PTPRD: variants seen among roughly 807,000 people sequenced by gnomAD.
PTPRD encodes protein tyrosine phosphatase receptor type D, also known as receptor-type tyrosine-protein phosphatase delta.
In PTPRD, 34 loss-of-function variants were observed where a neutral mutation model predicts 214.5. That is an observed-to-expected ratio of 0.16 (90% CI 0.12 to 0.21). PTPRD has a LOEUF of 0.21. Among genes scored for constraint, PTPRD ranks in the 10% least tolerant of loss-of-function variants. The pLI is 1.00. For synonymous variants in PTPRD, 1,128 were observed against 845.7 expected, an observed-to-expected ratio of 1.33 and a Z score of -5.79; for missense variants, 2,545 against 2,398.7, an observed-to-expected ratio of 1.06 and a Z score of -1.27.
intron 3 of PTPRD, among the ~76,000 whole-genome samples, chr9:10,285,783 T>C (rs1462108981): frequency 1.3e-5 from 2 of 152,076 alleles, no homozygotes; most frequent in Middle Eastern, 3.4e-3. Context: ...GCTAACTTTT[T>C]GTATTTTTAG....
intron 2 of PTPRD, among the ~76,000 whole-genome samples, chr9:10,545,792 G>C (rs551989856): frequency 6.6e-6 from 1 of 152,098 alleles, no homozygotes; most frequent in Admixed American, 6.6e-5. Flanking sequence ...TAGAATTCTT[G>C]GCATTTCTTT....
At chr9:9,057,552 T>TAAA (rs1453684993) in intron 10 of PTPRD, among the ~76,000 whole-genome samples, 2 of 152,190 alleles carry the variant, frequency 1.3e-5, no homozygotes, top group Non-Finnish European at 2.9e-5. Context: ...TCCTAAGGAT[T>TAAA]TTTTGTTAAA....
chr9:8,713,482 T>C, intron 12 of PTPRD: 1 of 1,126,758 alleles, frequency 8.9e-7, no homozygotes, highest in Non-Finnish European at 1.3e-6. Context: ...GAAGAAGTCT[T>C]CAGGGGAGAC....
At chr9:9,594,032 G>A (rs944962732) in intron 7 of PTPRD, among the ~76,000 whole-genome samples, 8 of 152,028 alleles carry the variant, frequency 5.3e-5, no homozygotes, top group African/African-American at 9.7e-5. Flanking sequence ...GACAATGGAC[G>A]ATAGTTAATG....
At chr9:8,334,980 A>G (rs1167108484) in intron 43 of PTPRD, among the ~76,000 whole-genome samples, 1 of 151,670 alleles carries the variant, frequency 6.6e-6, no homozygotes, top group African/African-American at 2.4e-5. Context: ...GAATCTCTGC[A>G]TAGACCAATA....
At chr9:8,597,074 C>T (rs947823924) in intron 14 of PTPRD, among the ~76,000 whole-genome samples, 20 of 151,948 alleles carry the variant, frequency 1.3e-4, no homozygotes, top group Non-Finnish European at 8.8e-5. Flanking sequence ...AGAAAAAAAG[C>T]GCATTTTTAA....
intron 2 of PTPRD, among the ~76,000 whole-genome samples, chr9:10,508,560 T>C (rs1023193697): frequency 2.6e-5 from 4 of 152,114 alleles, no homozygotes; most frequent in African/African-American, 9.7e-5. Flanking sequence ...TGGCCATCAA[T>C]AATAGAATGG....
At chr9:8,519,526 C>G (rs577222996) in intron 20 of PTPRD, among the ~76,000 whole-genome samples, 2 of 152,168 alleles carry the variant, frequency 1.3e-5, no homozygotes, top group South Asian at 4.1e-4. Flanking sequence ...TGTTTCCTTG[C>G]CAACATAAAG....
intron 9 of PTPRD, among the ~76,000 whole-genome samples, chr9:9,306,534 C>T (rs557992633): frequency 1.4e-5 from 2 of 141,696 alleles, no homozygotes; most frequent in African/African-American, 2.7e-5. Flanking sequence ...ACTGCACTCC[C>T]GTCTGGGCGA....
At chr9:10,336,100 C>T (rs139441559) in intron 3 of PTPRD, among the ~76,000 whole-genome samples, 246 of 151,780 alleles carry the variant, frequency 1.6e-3, no homozygotes, top group African/African-American at 5.5e-3. Context: ...ATTTACCCCA[C>T]GGAGCTGAAA....
At chr9:10,472,889 A>T (rs571596866) in intron 2 of PTPRD, among the ~76,000 whole-genome samples, 38 of 152,102 alleles carry the variant, frequency 2.5e-4, no homozygotes, top group Middle Eastern at 3.4e-3. Context: ...GAAAAATTTT[A>T]AAAAAATTAT....
rs531593745 is a variant in PTPRD at position 10,483,489 on chromosome 9, G to T, written c.-600+128909C>A. Reference sequence around the variant, plus strand: ...AGAAATAATCGTCAGGGTAAAGAGAGAATCTACAGAATGAAAAAAAAAATT... The same window carrying T: ...AGAAATAATCGTCAGGGTAAAGAGATAATCTACAGAATGAAAAAAAAAATT... On this transcript the variant is annotated intron_variant, in intron 2 of 45. Coordinates refer to ENST00000381196, the MANE Select transcript of PTPRD (RefSeq NM_002839.4). 1.1e-3 allele frequency among the ~76,000 whole-genome samples: 169 copies of T among 151,626 alleles called. No individual in the cohort carries two copies. The Middle Eastern group carries it at 0.027, about 24-fold the overall frequency.
chr9:10,046,535 A>G (rs2097400344), intron 3 of PTPRD, among the ~76,000 whole-genome samples: 1 of 151,906 alleles, frequency 6.6e-6, no homozygotes, highest in East Asian at 1.9e-4. Flanking sequence ...GAAAAACAGA[A>G]TGAAAAATAT....
chr9:9,955,475 C>T (rs1482576557), intron 4 of PTPRD, among the ~76,000 whole-genome samples: 1 of 151,650 alleles, frequency 6.6e-6, no homozygotes, highest in South Asian at 2.1e-4. Context: ...TTGGCCACAA[C>T]ATTGAACTCT....
chr9:8,493,381 A>G (rs2136333827), intron 26 of PTPRD, among the ~76,000 whole-genome samples: 1 of 152,320 alleles, frequency 6.6e-6, no homozygotes. Flanking sequence ...AAACTCACAG[A>G]ACTATGCCTG....
intron 2 of PTPRD, among the ~76,000 whole-genome samples, chr9:10,504,384 G>A (rs1397854903): frequency 6.6e-6 from 1 of 151,974 alleles, no homozygotes; most frequent in Non-Finnish European, 1.5e-5. Flanking sequence ...GAACACTTCG[G>A]TTTACTCTGC....
rs1554639616 is a variant in PTPRD, at chr9:9,024,354, T to TTG, written c.-142-5620_-142-5619insCA. Among the ~76,000 whole-genome samples the TTG allele has an allele frequency of 3.7e-3, 477 of 127,888 alleles. 9 individuals are homozygous for TTG. The highest frequency in any genetic ancestry group is 0.012 in the African/African-American group (453 of 38,618). 83.9% of individuals were successfully genotyped at this position (127,888 alleles called of 152,430 possible). ...CGATTCTTTGTTTTTTTTTGTTTGT[T>TTG]TTTTTTTTTTTCCTGTATAAACAGC... On this transcript the variant is annotated intron_variant, in intron 10 of 45. Coordinates refer to ENST00000381196, the MANE Select transcript of PTPRD (RefSeq NM_002839.4).
intron 2 of PTPRD, among the ~76,000 whole-genome samples, chr9:10,353,981 C>T (rs2097224838): frequency 6.6e-6 from 1 of 151,966 alleles, no homozygotes; most frequent in Non-Finnish European, 1.5e-5. Flanking sequence ...ATAAGAAAGA[C>T]ATAAAGAATA....
chr9:9,057,025 A>AG (rs1440416427), intron 10 of PTPRD, among the ~76,000 whole-genome samples: 3 of 152,186 alleles, frequency 2.0e-5, no homozygotes, highest in South Asian at 2.1e-4. Flanking sequence ...CTCTTTCCTC[A>AG]GGGGGGATCT....
Sources: gnomAD v4.1 joint callset for allele counts (sites outside exome capture counted in the v4.1 genomes callset) on GRCh38, gnomAD v4.1.1 for gene constraint, MANE v1.5 for transcripts, NCBI Gene and HGNC (gene_info 2026-07-23, HGNC 2026-07-21) for gene names.